Variants in ADARB1 observed in about 807,000 individuals in gnomAD.
The protein encoded by ADARB1 is adenosine deaminase RNA specific B1.
ADARB1 carries 10 observed loss-of-function variants against 52.4 expected under a neutral mutation model. That is an observed-to-expected ratio of 0.19 (90% confidence interval 0.12 to 0.32). ADARB1 has a LOEUF of 0.32. ADARB1 is among the 10% of genes least tolerant of loss of function. The pLI is 1.00. For synonymous variants in ADARB1, 349 were observed against 371.1 expected (o/e 0.94, Z 0.68); for missense variants, 643 against 922.3 (o/e 0.70, Z 3.92).
At chr21:45,129,491 G>A (rs1344788387) in intron 2 of ADARB1, among the ~76,000 whole-genome samples, 1 of 152,238 alleles carries the variant, frequency 6.6e-6, no homozygotes, top group Non-Finnish European at 1.5e-5. Context: ...AGGAACGCAG[G>A]TGTGCTCCTG....
At position 45,147,467 on chromosome 21, in the gene ADARB1, G is replaced by A. The variant is rs917599354; in HGVS notation, c.-48+18894G>A. ...AGCAGGGAGCTAAGCACAGATGTGT[G>A]CACAGATGCGTGCTTAGGTAAGGAT... On this transcript the variant is annotated intron_variant, in intron 2 of 10. Coordinates refer to ENST00000348831, the MANE Select transcript of ADARB1 (RefSeq NM_001112.4). 2.6e-5 allele frequency among the ~76,000 whole-genome samples: 4 copies of A among 152,224 alleles called. No individual in the cohort carries two copies. In the South Asian group the frequency reaches 8.3e-4, roughly 32 times the overall value.
Position 45,225,073 on chromosome 21 carries a change from GTTT to G in ADARB1, c.*2878_*2880del. ...AGTAGGGGAAGAGAGGGCTTCTGTT[GTTT>G]TGTTTTGTTTTGTTTTGTTAACTAA... On this transcript the variant is annotated 3_prime_UTR_variant, in exon 11 of 11. Transcript: ENST00000348831. 1.7e-5 allele frequency: 3 copies of G among 178,434 alleles called. No individual in the cohort carries two copies. Among genetic ancestry groups the G allele is most frequent in the Non-Finnish European group, 2.0e-5 (3 of 147,648 alleles). The allele number at this position is 178,434 out of a possible 1,614,324, so 11.1% of individuals were successfully genotyped here.
intron 1 of ADARB1, among the ~76,000 whole-genome samples, chr21:45,076,795 A>G (rs565217687): frequency 5.3e-5 from 8 of 152,354 alleles, no homozygotes; most frequent in African/African-American, 1.9e-4. Flanking sequence ...GCATAAAACA[A>G]ACTTAATCCA....
chr21:45,194,461 A>G (rs140154952), intron 8 of ADARB1, among the ~76,000 whole-genome samples: 1 of 106,074 alleles, frequency 9.4e-6, no homozygotes, highest in African/African-American at 4.9e-5. Flanking sequence ...CCTAACCTCT[A>G]CTCTGCCTGT....
chr21:45,169,522 C>T (rs143654871), intron 2 of ADARB1, among the ~76,000 whole-genome samples: 22 of 152,234 alleles, frequency 1.4e-4, no homozygotes, highest in Admixed American at 3.3e-4. Flanking sequence ...AATGCAGGGT[C>T]GCTTCTCAGG....
chr21:45,084,728 G>A (rs886362004), intron 1 of ADARB1, among the ~76,000 whole-genome samples: 1 of 152,182 alleles, frequency 6.6e-6, no homozygotes, highest in Admixed American at 6.5e-5. Context: ...ATATCAGTCA[G>A]GCTGGAGAGT....
chr21:45,180,276 G>A lies in ADARB1; in HGVS notation c.964-54G>A, dbSNP rs11911694. 2,823 of 1,301,848 alleles carry A rather than the reference G, an allele frequency of 2.2e-3. 42 individuals are homozygous for A. In the African/African-American group the frequency reaches 0.035, roughly 16 times the overall value. The allele number at this position is 1,301,848 out of a possible 1,614,324, so 80.6% of individuals were successfully genotyped here. A position where few individuals can be genotyped will look rare whatever the true frequency, so the allele number is the denominator to read the frequency against. ...AGTGCGTGCAGCATTGAGAGAGTGA[G>A]CCCTGCTCCCAGCTGCATCTGGCCC... On this transcript the variant is annotated intron_variant, in intron 4 of 10. Transcript: ENST00000348831.
intron 1 of ADARB1, among the ~76,000 whole-genome samples, chr21:45,080,670 A>T (rs541277033): frequency 6.6e-6 from 1 of 152,246 alleles, no homozygotes; most frequent in Non-Finnish European, 1.5e-5. Context: ...TTATTTATTT[A>T]AAAAATTCAC....
chr21:45,124,787 A>ATGTGTGTGTGTGTGTGTGTG (rs56113860), intron 1 of ADARB1, among the ~76,000 whole-genome samples: 2 of 135,704 alleles, frequency 1.5e-5, no homozygotes, highest in Non-Finnish European at 3.3e-5. Flanking sequence ...GTGTGTGTGT[A>ATGTGTGTGTGTGTGTGTGTG]TGTGTGTGTG....
At chr21:45,144,584 A>G (rs2089913292) in intron 2 of ADARB1, 1 of 439,228 alleles carries the variant, frequency 2.3e-6, no homozygotes, top group African/African-American at 2.0e-5. Flanking sequence ...CTGGATTCTC[A>G]TGAATCAGAC....
chr21:45,140,106 G>C (rs2089640085), intron 2 of ADARB1, among the ~76,000 whole-genome samples: 1 of 151,900 alleles, frequency 6.6e-6, no homozygotes, highest in South Asian at 2.1e-4. Flanking sequence ...ACCATGCCCG[G>C]CTAATTTTGT....
intron 1 of ADARB1, among the ~76,000 whole-genome samples, chr21:45,116,155 C>T (rs1251583091): frequency 6.6e-6 from 1 of 152,196 alleles, no homozygotes; most frequent in Non-Finnish European, 1.5e-5. Flanking sequence ...GGCGAAATTC[C>T]TCAGGTTACA....
At chr21:45,133,860 C>T (rs1177437756) in intron 2 of ADARB1, among the ~76,000 whole-genome samples, 9 of 132,060 alleles carry the variant, frequency 6.8e-5, no homozygotes, top group South Asian at 2.4e-4. Flanking sequence ...GGTGTGCGCC[C>T]GACGGGGGTG....
At chr21:45,168,026 T>C (rs1159449843) in intron 2 of ADARB1, among the ~76,000 whole-genome samples, 1 of 152,124 alleles carries the variant, frequency 6.6e-6, no homozygotes, top group Admixed American at 6.5e-5. Context: ...AGCAACACTA[T>C]GTTGAATAGC....
intron 2 of ADARB1, among the ~76,000 whole-genome samples, chr21:45,163,532 C>T (rs954164280): frequency 3.9e-5 from 6 of 152,104 alleles, no homozygotes; most frequent in African/African-American, 1.2e-4. Flanking sequence ...CAGGAATCTC[C>T]CCCCCACCTC....
chr21:45,099,894 GGT>G (rs2086926504), intron 1 of ADARB1, among the ~76,000 whole-genome samples: 2 of 152,118 alleles, frequency 1.3e-5, no homozygotes, highest in African/African-American at 4.8e-5. Flanking sequence ...GCAACTTGGT[GGT>G]GGTGTTGGGG....
At chr21:45,135,580 A>G (rs958806317) in intron 2 of ADARB1, among the ~76,000 whole-genome samples, 14 of 152,366 alleles carry the variant, frequency 9.2e-5, no homozygotes, top group Admixed American at 7.2e-4. Flanking sequence ...TGAGCGGTAG[A>G]TAGACAGAGT....
At position 45,222,467 on chromosome 21, in the gene ADARB1, C is replaced by T; in HGVS notation, c.*270C>T. 1.6e-6 allele frequency: 2 copies of T among 1,225,218 alleles called. No individual in the cohort carries two copies. Among genetic ancestry groups the T allele is most frequent in the Non-Finnish European group, 2.0e-6 (2 of 983,034 alleles). 75.9% of individuals were successfully genotyped at this position (1,225,218 alleles called of 1,614,324 possible). On this transcript the variant is annotated 3_prime_UTR_variant, in exon 11 of 11. Coordinates refer to ENST00000348831, the MANE Select transcript of ADARB1 (RefSeq NM_001112.4). Reference sequence around the variant, plus strand: ...TTTCCCCTTCTGAACCGTCCAGTGACTGCTTTCAATCTCGGTTTACGTTTA... The same window carrying T: ...TTTCCCCTTCTGAACCGTCCAGTGATTGCTTTCAATCTCGGTTTACGTTTA...
At chr21:45,180,030 G>A (rs1248347879) in intron 4 of ADARB1, among the ~76,000 whole-genome samples, 3 of 152,234 alleles carry the variant, frequency 2.0e-5, no homozygotes, top group South Asian at 2.1e-4. Flanking sequence ...CCTGAGGGCC[G>A]GGCTGGCCTG....
Sources: gnomAD v4.1 joint callset for allele counts (sites outside exome capture counted in the v4.1 genomes callset) on GRCh38, gnomAD v4.1.1 for gene constraint, MANE v1.5 for transcripts, NCBI Gene and HGNC (gene_info 2026-07-23, HGNC 2026-07-21) for gene names.